The following TENM2 variants were observed in gnomAD, a reference collection of about 807,000 sequenced individuals.
TENM2 encodes teneurin transmembrane protein 2, also known as teneurin-2.
A neutral mutation model predicts 245.2 loss-of-function variants in TENM2; 52 were observed. The observed-to-expected ratio is 0.21, with a 90% CI of 0.17 to 0.27. TENM2 has a LOEUF of 0.27. TENM2 is among the 10% of genes least tolerant of loss of function. The pLI is 1.00. For synonymous variants in TENM2, 1,363 were observed against 1,438.9 expected (o/e 0.95, Z 1.19); for missense variants, 3,046 against 3,666.8 (o/e 0.83, Z 4.37).
intron 14 of TENM2, among the ~76,000 whole-genome samples, chr5:168,192,945 C>T (rs1761084271): frequency 6.6e-6 from 1 of 152,190 alleles, no homozygotes; most frequent in African/African-American, 2.4e-5. Flanking sequence ...TTCATGCTTT[C>T]TCCACCTGGC....
intron 2 of TENM2, among the ~76,000 whole-genome samples, chr5:167,841,647 C>T (rs567630360): frequency 6.6e-6 from 1 of 152,126 alleles, no homozygotes; most frequent in African/African-American, 2.4e-5. Context: ...AGTAAAATTA[C>T]CAAAACCAAG....
intron 2 of TENM2, among the ~76,000 whole-genome samples, chr5:167,722,725 C>T (rs1256610702): frequency 1.3e-5 from 2 of 151,882 alleles, no homozygotes; most frequent in Non-Finnish European, 2.9e-5. Context: ...TGCAGTGAGC[C>T]GAGATTGCGC....
chr5:167,699,649 T>C (rs556407924), intron 2 of TENM2, among the ~76,000 whole-genome samples: 1 of 152,302 alleles, frequency 6.6e-6, no homozygotes, highest in African/African-American at 2.4e-5. Flanking sequence ...CTGCTGAGTT[T>C]ATGGGGCAAC....
intron 4 of TENM2, among the ~76,000 whole-genome samples, chr5:167,957,771 T>C (rs753923715): frequency 5.3e-5 from 8 of 152,244 alleles, no homozygotes; most frequent in Non-Finnish European, 1.2e-4. Flanking sequence ...AGTTTCCATG[T>C]AGTTGTGCAG....
chr5:167,707,373 C>G (rs923288335), intron 2 of TENM2, among the ~76,000 whole-genome samples: 2 of 152,116 alleles, frequency 1.3e-5, no homozygotes, highest in Non-Finnish European at 2.9e-5. Context: ...CCAAAGATAG[C>G]CTTCTTGTTT....
chr5:167,386,917 T>C (rs1170984199), intron 2 of TENM2, among the ~76,000 whole-genome samples: 1 of 152,176 alleles, frequency 6.6e-6, no homozygotes, highest in Non-Finnish European at 1.5e-5. Context: ...TATGGCCTTA[T>C]AGTATAGTTT....
At chr5:167,303,857 C>T (rs1403431336) in intron 1 of TENM2, among the ~76,000 whole-genome samples, 1 of 152,172 alleles carries the variant, frequency 6.6e-6, no homozygotes, top group Non-Finnish European at 1.5e-5. Flanking sequence ...TATGGCCAGG[C>T]AGTGTCTCTC....
intron 2 of TENM2, among the ~76,000 whole-genome samples, chr5:167,776,615 A>C (rs1188127676): frequency 1.0e-5 from 1 of 99,338 alleles, no homozygotes; most frequent in Non-Finnish European, 1.9e-5. Context: ...AAAAAAAAAA[A>C]AAAAAAAAAA....
chr5:168,254,799 C>A (rs1033947117), intron 27 of TENM2, among the ~76,000 whole-genome samples: 10 of 152,168 alleles, frequency 6.6e-5, no homozygotes, highest in African/African-American at 2.2e-4. Flanking sequence ...GTAATCCCAG[C>A]ACTTTGGGAG....
At chr5:168,178,489 G>C (rs544287501) in intron 13 of TENM2, among the ~76,000 whole-genome samples, 118 of 152,234 alleles carry the variant, frequency 7.8e-4, no homozygotes, top group Admixed American at 2.0e-3. Flanking sequence ...AATCCCCCAG[G>C]TATAAAAAAC....
rs148147541 is a variant in TENM2 at position 167,507,456 on chromosome 5, C to T, written c.502+131983C>T. ...CTAAGATTTATATGGAAGAGTATAT[C>T]TTTTATATAAAATTTCCAACTTCTA... On this transcript the variant is annotated intron_variant, in intron 2 of 28. Transcript: ENST00000518659. 1.5e-3 allele frequency among the ~76,000 whole-genome samples: 235 copies of T among 152,234 alleles called. 2 individuals are homozygous for T. Among genetic ancestry groups the T allele is most frequent in the African/African-American group, 5.3e-3 (221 of 41,526 alleles).
intron 2 of TENM2, among the ~76,000 whole-genome samples, chr5:167,388,668 C>T (rs1455549395): frequency 1.3e-5 from 2 of 151,998 alleles, no homozygotes; most frequent in Admixed American, 6.6e-5. Flanking sequence ...TTAGAACCAC[C>T]TTTGCTGTGT....
At chr5:167,099,971 T>A in the TENM2 span, among the ~76,000 whole-genome samples, 1 of 152,166 alleles carries the variant, frequency 6.6e-6, no homozygotes, top group Non-Finnish European at 1.5e-5. Flanking sequence ...TTTTGAGGTT[T>A]CCTTGGTACT....
intron 3 of TENM2, 120 bp downstream of exon 5, chr5:167,876,315 T>A: frequency 1.3e-6 from 1 of 762,834 alleles, no homozygotes; most frequent in Non-Finnish European, 2.2e-6. Context: ...AGCATCAGGG[T>A]GAAATGCATT....
At chr5:167,510,476 A>C (rs1418336072) in intron 2 of TENM2, among the ~76,000 whole-genome samples, 2 of 152,194 alleles carry the variant, frequency 1.3e-5, no homozygotes, top group Non-Finnish European at 2.9e-5. Context: ...ACTTCGAGTG[A>C]AAAGGGAAAT....
chr5:168,260,444 T>C lies in TENM2; in HGVS notation c.7563+31T>C, dbSNP rs183252630. 4.5e-5 allele frequency: 72 copies of C among 1,611,308 alleles called. No individual in the cohort carries two copies. In the East Asian group the frequency reaches 1.5e-3, roughly 33 times the overall value. ...CAGAGGTTCCTGCCAAGAATCCAAA[T>C]GATTGTCATCATTCCCTTTTGCAAA... On this transcript the variant is annotated intron_variant, in intron 28 of 28. Transcript: ENST00000518659.
chr5:168,254,491 G>A (rs1004171153), intron 27 of TENM2, among the ~76,000 whole-genome samples: 53 of 151,192 alleles, frequency 3.5e-4, no homozygotes, highest in Non-Finnish European at 7.5e-4. Flanking sequence ...GGAGGAAGAG[G>A]AAGAGGAAGA....
intron 13 of TENM2, among the ~76,000 whole-genome samples, chr5:168,178,538 G>A (rs1397559569): frequency 6.6e-6 from 1 of 152,180 alleles, no homozygotes; most frequent in East Asian, 1.9e-4. Flanking sequence ...GTGCCAGAGA[G>A]GCCTGTCAGA....
At chr5:167,782,313 C>CAAAAAAAAAAAAAAA (rs767675565) in intron 2 of TENM2, among the ~76,000 whole-genome samples, 1 of 58,772 alleles carries the variant, frequency 1.7e-5, no homozygotes, top group Non-Finnish European at 3.3e-5. Flanking sequence ...AACTCTGTCT[C>CAAAAAAAAAAAAAAA]AAAAAAAAAA....
Sources: allele counts gnomAD v4.1 joint callset (sites outside exome capture counted in the v4.1 genomes callset), GRCh38; gene constraint gnomAD v4.1.1; transcripts MANE v1.5; gene names NCBI Gene and HGNC (gene_info 2026-07-23, HGNC 2026-07-21).